PRSS23: variants seen among roughly 807,000 people sequenced by gnomAD.
PRSS23 encodes serine protease 23.
A neutral mutation model predicts 34.7 loss-of-function variants in PRSS23; 25 were observed. The observed-to-expected ratio is 0.72, with a 90% CI of 0.53 to 1.01. The LOEUF is 1.01. Ranked by LOEUF, PRSS23 falls within the 50% of genes least tolerant of loss-of-function variation. The pLI is 0.00. For synonymous variants in PRSS23, 176 were observed against 186.6 expected, an observed-to-expected ratio of 0.94 and a Z score of 0.46; for missense variants, 445 against 475.6, an observed-to-expected ratio of 0.94 and a Z score of 0.60.
At chr11:86,896,245 T>C (rs1948875253) in intron 2 of PRSS23, among the ~76,000 whole-genome samples, 1 of 152,046 alleles carries the variant, frequency 6.6e-6, no homozygotes, top group Admixed American at 6.5e-5. Context: ...TAAGGTACAG[T>C]ATCAAATACT....
At chr11:86,856,660 C>G (rs1316516625) in intron 2 of PRSS23, among the ~76,000 whole-genome samples, 2 of 152,206 alleles carry the variant, frequency 1.3e-5, no homozygotes, top group Non-Finnish European at 2.9e-5. Flanking sequence ...AACACTATAA[C>G]TAAACAACCT....
At chr11:86,798,045 A>G (rs1487572761), upstream of PRSS23, among the ~76,000 whole-genome samples, 4 of 152,134 alleles carry the variant, frequency 2.6e-5, no homozygotes, top group African/African-American at 9.7e-5. Flanking sequence ...TGCTCAATAT[A>G]TATTTGTTGG....
chr11:86,882,136 G>T (rs1948776077), intron 2 of PRSS23, among the ~76,000 whole-genome samples: 1 of 152,094 alleles, frequency 6.6e-6, no homozygotes, highest in African/African-American at 2.4e-5. Context: ...ACTTACACCT[G>T]CCTTGGGATT....
At chr11:86,939,426 A>ATATATATATATATT in intron 2 of PRSS23, among the ~76,000 whole-genome samples, 14 of 94,056 alleles carry the variant, frequency 1.5e-4, no homozygotes, top group Admixed American at 4.0e-4. Flanking sequence ...ATATATATAT[A>ATATATATATATATT]TTTTTTAACA....
chr11:86,880,740 G>A (rs1948767496), intron 2 of PRSS23, among the ~76,000 whole-genome samples: 1 of 152,150 alleles, frequency 6.6e-6, no homozygotes, highest in Non-Finnish European at 1.5e-5. Context: ...GTGAGAACAT[G>A]CAGCATTTGG....
chr11:86,830,944 C>T (rs900626118), intron 2 of PRSS23, among the ~76,000 whole-genome samples: 1 of 152,028 alleles, frequency 6.6e-6, no homozygotes, highest in Non-Finnish European at 1.5e-5. Context: ...GGTTTACAAA[C>T]TGTGATATTA....
intron 2 of PRSS23, among the ~76,000 whole-genome samples, chr11:86,844,453 C>T (rs1430172547): frequency 2.6e-5 from 4 of 152,084 alleles, no homozygotes; most frequent in Non-Finnish European, 5.9e-5. Context: ...ACTTACTACA[C>T]CAATGTCCAC....
chr11:86,884,664 C>A (rs1948791416), intron 2 of PRSS23, among the ~76,000 whole-genome samples: 1 of 152,202 alleles, frequency 6.6e-6, no homozygotes, highest in Non-Finnish European at 1.5e-5. Flanking sequence ...GGAACAATCT[C>A]CAAATTGCTT....
At chr11:86,876,671 G>A (rs1948726132) in intron 2 of PRSS23, among the ~76,000 whole-genome samples, 2 of 151,880 alleles carry the variant, frequency 1.3e-5, no homozygotes, top group Non-Finnish European at 1.5e-5. Context: ...AAGACTATTC[G>A]TGATTCCTAT....
chr11:86,830,725 A>G (rs914191810), intron 2 of PRSS23, among the ~76,000 whole-genome samples: 2 of 152,136 alleles, frequency 1.3e-5, no homozygotes, highest in African/African-American at 2.4e-5. Context: ...CTAGGGAGAC[A>G]TTACTACTAA....
intron 2 of PRSS23, among the ~76,000 whole-genome samples, chr11:86,877,649 C>T (rs11234850): frequency 0.01 from 1,551 of 152,222 alleles, 30 homozygotes; most frequent in African/African-American, 0.036. Context: ...AATCAATTTA[C>T]TGTATATGAA....
At chr11:86,840,022 C>G (rs1948435938) in intron 2 of PRSS23, among the ~76,000 whole-genome samples, 1 of 151,748 alleles carries the variant, frequency 6.6e-6, no homozygotes, top group Non-Finnish European at 1.5e-5. Context: ...GACATCGATG[C>G]TATGAAGAAA....
At chr11:86,847,754 C>A (rs1948498505) in intron 2 of PRSS23, among the ~76,000 whole-genome samples, 1 of 152,168 alleles carries the variant, frequency 6.6e-6, no homozygotes, top group Non-Finnish European at 1.5e-5. Context: ...AGAAACTTGG[C>A]CCCCTGAGGG....
At chr11:86,853,487 T>G (rs1948546074) in intron 2 of PRSS23, among the ~76,000 whole-genome samples, 1 of 151,992 alleles carries the variant, frequency 6.6e-6, no homozygotes, top group Admixed American at 6.6e-5. Flanking sequence ...ACTCCTGACC[T>G]CAGGTGATCC....
chr11:86,819,824 T>C (rs1169187585), intron 1 of PRSS23, among the ~76,000 whole-genome samples: 1 of 152,262 alleles, frequency 6.6e-6, no homozygotes, highest in Non-Finnish European at 1.5e-5. Context: ...TCCTCATGTT[T>C]GTTAAATCTG....
rs567685033 is a variant in PRSS23, at chr11:86,847,101, A to G, written c.206+23508A>G. On this transcript the variant is annotated intron_variant, in intron 2 of 2. Transcript: ENST00000533902. ...AGTTGGGACACAGGATACTGGTACC[A>G]CCTTGAGAGGGGGGCTTACTCTTTT... is the stretch of plus-strand genomic sequence containing the variant. 2.5e-3 allele frequency among the ~76,000 whole-genome samples: 388 copies of G among 152,272 alleles called. 2 individuals carry two copies. The highest frequency in any genetic ancestry group is 7.2e-3 in the African/African-American group (300 of 41,552).
At chr11:86,843,823 A>T (rs894692949) in intron 2 of PRSS23, among the ~76,000 whole-genome samples, 21 of 152,222 alleles carry the variant, frequency 1.4e-4, no homozygotes, top group Admixed American at 1.1e-3. Flanking sequence ...GTGGGAGTGT[A>T]AGTTAGTTCA....
chr11:86,885,268 G>A (rs984826345), intron 2 of PRSS23, among the ~76,000 whole-genome samples: 7 of 152,158 alleles, frequency 4.6e-5, no homozygotes, highest in Admixed American at 1.3e-4. Flanking sequence ...GCAAAGGAAA[G>A]CACAGAAACC....
At chr11:86,799,616 AG>A (rs1175452368), upstream of PRSS23, among the ~76,000 whole-genome samples, 3 of 152,234 alleles carry the variant, frequency 2.0e-5, no homozygotes, top group Non-Finnish European at 4.4e-5. Context: ...TATACTAAAT[AG>A]GAAGGCTCTA....
Sources: gnomAD v4.1 joint callset for allele counts (sites outside exome capture counted in the v4.1 genomes callset) on GRCh38, gnomAD v4.1.1 for gene constraint, MANE v1.5 for transcripts, NCBI Gene and HGNC (gene_info 2026-07-23, HGNC 2026-07-21) for gene names.